The following PTGER3 variants were observed in gnomAD, a reference collection of about 807,000 sequenced individuals.
PTGER3 encodes the protein prostaglandin E2 receptor EP3 subtype.
PTGER3 carries 22 observed loss-of-function variants against 34.7 expected under a neutral mutation model. That is an observed-to-expected ratio of 0.63 (90% CI 0.45 to 0.91). The LOEUF (loss-of-function observed/expected upper bound fraction) is 0.91. Ranked by LOEUF, PTGER3 falls within the 40% of genes least tolerant of loss-of-function variation. The probability of loss-of-function intolerance (pLI) is 0.00; values close to 1 mark genes in which losing one functional copy is unlikely to be tolerated. For synonymous variants in PTGER3, 241 were observed against 230.1 expected, an observed-to-expected ratio of 1.05 and a Z score of -0.43; for missense variants, 468 against 519.4, an observed-to-expected ratio of 0.90 and a Z score of 0.96.
At chr1:70,982,744 A>G (rs1256560028) in intron 2 of PTGER3, among the ~76,000 whole-genome samples, 1 of 151,964 alleles carries the variant, frequency 6.6e-6, no homozygotes, top group Non-Finnish European at 1.5e-5. Flanking sequence ...CAGTCAATAA[A>G]CATTAGGAGT....
intron 4 of PTGER3, among the ~76,000 whole-genome samples, chr1:70,878,588 A>AT (rs1646321343): frequency 6.6e-6 from 1 of 151,960 alleles, no homozygotes; most frequent in Non-Finnish European, 1.5e-5. Context: ...TCTTTCTAAC[A>AT]TTTTTATATG....
chr1:70,953,264 T>C (rs1385174621), intron 3 of PTGER3, among the ~76,000 whole-genome samples: 1 of 152,100 alleles, frequency 6.6e-6, no homozygotes, highest in Non-Finnish European at 1.5e-5. Context: ...CTCTAATTTA[T>C]ATAAGGGATT....
chr1:70,949,068 G>T (rs981069399), downstream of PTGER3, among the ~76,000 whole-genome samples: 1 of 152,116 alleles, frequency 6.6e-6, no homozygotes, highest in African/African-American at 2.4e-5. Flanking sequence ...GTCTCTTCAG[G>T]CGTGGGGTAA....
At chr1:70,860,021 A>G (rs2100470196) in intron 4 of PTGER3, among the ~76,000 whole-genome samples, 1 of 150,728 alleles carries the variant, frequency 6.6e-6, no homozygotes, top group East Asian at 2.0e-4. Flanking sequence ...GAATTCAGAA[A>G]GAGTATGGGA....
chr1:71,027,860 C>T (rs1344387686), intron 1 of PTGER3, among the ~76,000 whole-genome samples: 1 of 152,134 alleles, frequency 6.6e-6, no homozygotes, highest in Non-Finnish European at 1.5e-5. Context: ...TGTATTTAAT[C>T]TTAAAACTCT....
intron 1 of PTGER3, among the ~76,000 whole-genome samples, chr1:71,013,494 G>A (rs1657627847): frequency 6.6e-6 from 1 of 152,118 alleles, no homozygotes; most frequent in African/African-American, 2.4e-5. Flanking sequence ...CTTGAGGTCA[G>A]GAGTTCGAGA....
In PTGER3 at chr1:71,012,428, G is replaced by A. The variant is rs778965608; in HGVS notation, c.954C>T (p.His318=). 3 of 1,614,120 alleles carry A rather than the reference G, an allele frequency of 1.9e-6. No homozygotes were observed. Among genetic ancestry groups the A allele is most frequent in the Non-Finnish European group, 2.5e-6 (3 of 1,180,016 alleles). ...AGTTGCATTCTTTCTGCTTCTCCGT[G>A]TGTGTCTTGCAGTGCTCAACTGATG... ...NQTSVEHCKT[H]TEKQKECNFF... Residue 318 remains histidine, a synonymous_variant, in exon 2 of 4, where the codon CAC becomes CAT. Transcript: ENST00000306666.
chr1:71,002,640 G>A (rs1656595419), intron 2 of PTGER3, among the ~76,000 whole-genome samples: 1 of 152,218 alleles, frequency 6.6e-6, no homozygotes, highest in Non-Finnish European at 1.5e-5. Context: ...AGGGATAAGA[G>A]TCATGCATAT....
intron 4 of PTGER3, among the ~76,000 whole-genome samples, chr1:70,891,562 A>G (rs931153776): frequency 6.6e-6 from 1 of 152,124 alleles, no homozygotes; most frequent in Non-Finnish European, 1.5e-5. Context: ...TTAAAATAGG[A>G]GGACATCAAA....
intron 4 of PTGER3, among the ~76,000 whole-genome samples, chr1:70,925,573 A>T (rs1647989455): frequency 1.3e-5 from 2 of 152,214 alleles, no homozygotes; most frequent in Non-Finnish European, 2.9e-5. Context: ...ACTTAATGGA[A>T]TAAAATTTAA....
chr1:70,981,327 CTTTCTTTCT>C (rs1557708708), intron 2 of PTGER3, among the ~76,000 whole-genome samples: 3 of 51,566 alleles, frequency 5.8e-5, no homozygotes, highest in African/African-American at 2.7e-4. Flanking sequence ...TTTCTTCTTT[CTTTCTTTCT>C]TTCTTTCTTT....
intron 2 of PTGER3, among the ~76,000 whole-genome samples, chr1:70,956,378 A>AT (rs11339128): frequency 1.0e-4 from 15 of 149,646 alleles, no homozygotes; most frequent in Non-Finnish European, 1.3e-4. Flanking sequence ...TTAAAGTTTC[A>AT]TTTTTTTTTT....
chr1:70,953,060 C>G lies in PTGER3; in HGVS notation c.1105-1G>C. The G allele has an allele frequency of 6.3e-7, 1 of 1,579,744 alleles. No individual in the cohort carries two copies. Among genetic ancestry groups the G allele is most frequent in the Non-Finnish European group, 8.6e-7 (1 of 1,164,946 alleles). On this transcript the variant is annotated splice_acceptor_variant, in intron 3 of 3. Coordinates refer to the PTGER3 transcript ENST00000356595. LOFTEE classifies it high-confidence loss of function. ...GAGAGTTCTGCAAACTGCAGATTAACTAACCACAGATCAAAATATTGAGAA... is the reference window on the plus strand; with the variant it reads ...GAGAGTTCTGCAAACTGCAGATTAAGTAACCACAGATCAAAATATTGAGAA...
chr1:70,944,680 A>G (rs1245446465), intron 4 of PTGER3, among the ~76,000 whole-genome samples: 1 of 152,106 alleles, frequency 6.6e-6, no homozygotes, highest in Non-Finnish European at 1.5e-5. Context: ...CTAACCCTGT[A>G]TCTGAAATAA....
At chr1:70,922,273 C>A (rs1027801643) in intron 4 of PTGER3, among the ~76,000 whole-genome samples, 4 of 152,012 alleles carry the variant, frequency 2.6e-5, no homozygotes, top group African/African-American at 9.7e-5. Context: ...AAATTCTTGT[C>A]CTAAAGCAAA....
chr1:70,990,724 C>T (rs1308660451), intron 2 of PTGER3, among the ~76,000 whole-genome samples: 4 of 151,942 alleles, frequency 2.6e-5, no homozygotes, highest in African/African-American at 7.3e-5. Flanking sequence ...GCAATTCTCC[C>T]ACCTCAGCTT....
intron 4 of PTGER3, among the ~76,000 whole-genome samples, chr1:70,917,400 ATT>A (rs1214476700): frequency 1.2e-5 from 1 of 85,158 alleles, no homozygotes; most frequent in African/African-American, 4.0e-5. Flanking sequence ...ATAGTATTTT[ATT>A]TTGTGTGTGT....
At chr1:70,932,058 C>T (rs895666300) in intron 4 of PTGER3, among the ~76,000 whole-genome samples, 35 of 152,188 alleles carry the variant, frequency 2.3e-4, no homozygotes, top group Non-Finnish European at 4.7e-4. Context: ...TTAGAAATTT[C>T]TTCCACCAGA....
intron 4 of PTGER3, among the ~76,000 whole-genome samples, chr1:70,888,803 T>A (rs919141276): frequency 6.6e-5 from 10 of 152,172 alleles, no homozygotes; most frequent in Non-Finnish European, 1.3e-4. Context: ...GTAGTTGTGC[T>A]GTTGTTTAGC....
Sources: gnomAD v4.1 joint callset for allele counts (sites outside exome capture counted in the v4.1 genomes callset) on GRCh38, gnomAD v4.1.1 for gene constraint, MANE v1.5 for transcripts, NCBI Gene and HGNC (gene_info 2026-07-23, HGNC 2026-07-21) for gene names.